The following FLNA variants were observed in gnomAD, a reference collection of about 807,000 sequenced individuals.
FLNA encodes filamin A, also known as filamin-A.
Under a neutral mutation model 157.6 loss-of-function variants are expected in FLNA, and 7 were observed. The observed-to-expected ratio is 0.04, with a 90% CI of 0.03 to 0.08. The LOEUF (loss-of-function observed/expected upper bound fraction) is 0.08. Ranked by LOEUF, FLNA falls within the 10% of genes least tolerant of loss-of-function variation. The pLI, the probability that FLNA is intolerant of heterozygous loss-of-function variation, is 1.00. For missense variants in FLNA, 1,750 were observed against 2,398.4 expected (o/e 0.73, Z 5.65); for synonymous variants, 1,103 against 1,060.8 (o/e 1.04, Z -0.77).
intron 19 of FLNA, 70 bp downstream of exon 19, chrX:154,361,909 C>T (rs979953507): frequency 2.8e-5 from 32 of 1,147,867 alleles, no homozygotes; most frequent in East Asian, 3.0e-5. Flanking sequence ...GAAAGTCCCT[C>T]GGAGCTGTCC....
In FLNA at chrX:154,354,808, C is replaced by T. The variant is rs1557176572; in HGVS notation, c.5217+17G>A. Reference sequence around the variant, plus strand: ...CTGCCAGACACCCCTGCTGACCTACCCCCCACCCCTCCTCACCGTCACTTG... The same window carrying T: ...CTGCCAGACACCCCTGCTGACCTACTCCCCACCCCTCCTCACCGTCACTTG... On this transcript the variant is annotated intron_variant, in intron 31 of 47. Transcript: ENST00000369850. The T allele has an allele frequency of 2.5e-6, 3 of 1,210,346 alleles. No individual in the cohort carries two copies. In the African/African-American group the frequency reaches 5.2e-5, roughly 21 times the overall value.
rs782723195 is a variant in FLNA at position 154,360,407 on chromosome X, C to T, written c.3388G>A (p.Glu1130Lys). 1.3e-5 allele frequency: 16 copies of T among 1,211,578 alleles called. No homozygotes were observed. In the East Asian group the frequency reaches 2.7e-4, roughly 20 times the overall value. The stretch of plus-strand genomic sequence containing the variant: ...ATGTTGATGTTGTAGTCCCCGGGCT[C>T]GGTGGGCACGTAGGACACGGAACAT... Reference protein sequence around the residue: ...GTCSVSYVPTEPGDYNINILF... With the variant: ...GTCSVSYVPTKPGDYNINILF... Residue 1130 changes from glutamate to lysine, a missense_variant, in exon 22 of 48, where the codon GAG (glutamate) becomes AAG (lysine). By Grantham distance (56) the Glu-to-Lys change is moderately conservative. Coordinates refer to ENST00000369850, the MANE Select transcript of FLNA (RefSeq NM_001110556.2).
At chrX:154,364,485 G>A in intron 13 of FLNA, 41 bp downstream of exon 13, 2 of 1,198,034 alleles carry the variant, frequency 1.7e-6, no homozygotes, top group South Asian at 1.8e-5. Context: ...CCAAGCAGGA[G>A]CAGCAGGGCG....
At chrX:154,372,822 G>A (rs2067818304) in intron 1 of FLNA, among the ~76,000 whole-genome samples, 1 of 110,714 alleles carries the variant, frequency 9.0e-6, no homozygotes, top group Non-Finnish European at 1.9e-5. Context: ...GAGAGATGGA[G>A]GCCCTGGGTT....
At chrX:154,370,846 C>T (rs781791747) in intron 2 of FLNA, 27 bp downstream of exon 2, 3 of 1,205,233 alleles carry the variant, frequency 2.5e-6, no homozygotes, top group Admixed American at 2.2e-5. Context: ...CGCCCCCGCC[C>T]GCCCGGCGCT....
At chrX:154,359,965 C>T (rs781860424) in intron 22 of FLNA, 25 bp downstream of exon 22, 2 of 1,206,556 alleles carry the variant, frequency 1.7e-6, no homozygotes, top group South Asian at 3.5e-5. Flanking sequence ...TCCCCCGTCA[C>T]ATACCCCACG....
intron 1 of FLNA, 32 bp from the exon 2 acceptor site, chrX:154,371,393 A>T: frequency 5.1e-5 from 28 of 552,104 alleles, no homozygotes; most frequent in East Asian, 1.8e-4. Context: ...TAAATGCGGG[A>T]GGAGGGCGGG....
Position 154,362,785 on chromosome X carries a change from C to A in FLNA, c.2281-1G>T. 1 of 1,197,670 alleles carries A rather than the reference C, an allele frequency of 8.3e-7. No homozygotes were observed. Among genetic ancestry groups the A allele is most frequent in the South Asian group, 1.8e-5 (1 of 55,334 alleles). On this transcript the variant is annotated splice_acceptor_variant, in intron 15 of 47. Transcript: ENST00000369850. LOFTEE classifies it high-confidence loss of function. Reference sequence around the variant, plus strand: ...GGTGGCTGCCAGCTCCCACATTCACCTGCAGGGCACAGGGGCAAGGGCAAG... The same window carrying A: ...GGTGGCTGCCAGCTCCCACATTCACATGCAGGGCACAGGGGCAAGGGCAAG...
At chrX:154,371,493 C>T in intron 1 of FLNA, 132 bp from the exon 2 acceptor site, 1 of 400,296 alleles carries the variant, frequency 2.5e-6, no homozygotes, top group Non-Finnish European at 4.3e-6. Flanking sequence ...TTGGAATGCC[C>T]CCACTAGGCC....
chrX:154,364,011 G>A lies in FLNA; in HGVS notation c.2280+11C>T. Reference sequence around the variant, plus strand: ...TCGAGATGGACTAAAGGCCGGTGGAGGTTGGCTCACCCTGAAGGGGCTGTT... The same window carrying A: ...TCGAGATGGACTAAAGGCCGGTGGAAGTTGGCTCACCCTGAAGGGGCTGTT... On this transcript the variant is annotated intron_variant, in intron 15 of 47. Coordinates refer to ENST00000369850, the MANE Select transcript of FLNA (RefSeq NM_001110556.2). 8.3e-7 allele frequency: 1 copy of A among 1,210,049 alleles called. No individual in the cohort carries two copies. The highest frequency in any genetic ancestry group is 2.2e-5 in the Admixed American group (1 of 46,124).
intron 7 of FLNA, 45 bp from the exon 8 acceptor site, chrX:154,366,515 C>T: frequency 8.3e-7 from 1 of 1,207,815 alleles, no homozygotes; most frequent in Non-Finnish European, 1.1e-6. Flanking sequence ...TGGGGGCCTC[C>T]AGCCACTGCC....
Position 154,348,762 on chromosome X carries a change from G to C in FLNA, c.*87C>G, listed in dbSNP as rs2067593526. ...CAGTGACAGGCGGGCGGCCAGGGCG[G>C]CCTGGGCCGGGGTTGAGGGGAAGAG... On this transcript the variant is annotated 3_prime_UTR_variant, in exon 48 of 48. Transcript: ENST00000369850. The C allele has an allele frequency of 1.1e-6, 1 of 869,871 alleles. No individual in the cohort carries two copies. The highest frequency in any genetic ancestry group is 2.3e-5 in the African/African-American group (1 of 43,133). 71.7% of individuals were successfully genotyped at this position (869,871 alleles called of 1,213,427 possible). A position where few individuals can be genotyped will look rare whatever the true frequency, so the allele number is the denominator to read the frequency against.
intron 21 of FLNA, among the ~76,000 whole-genome samples, chrX:154,360,841 G>A (rs1409518005): frequency 9.1e-6 from 1 of 109,788 alleles, no homozygotes; most frequent in African/African-American, 3.3e-5. Flanking sequence ...GAGGTCAGGA[G>A]TTTGAGAACA....
At position 154,367,630 on chromosome X, in the gene FLNA, G is replaced by A. The variant is rs2067772304; in HGVS notation, c.720+11C>T. On this transcript the variant is annotated intron_variant, in intron 4 of 47. Transcript: ENST00000369850. ...GTCCCCTACAGCTGTAGCCAGGCCG[G>A]GCGGGTGTACCTGGGGGATGCCCAG... The A allele has an allele frequency of 3.3e-6, 4 of 1,211,072 alleles. No individual in the cohort carries two copies. The highest frequency in any genetic ancestry group is 3.0e-5 in the East Asian group (1 of 33,852).
rs1391215809 is a variant in FLNA, at chrX:154,354,302, G to T, written c.5417-11C>A. 5.0e-6 allele frequency: 6 copies of T among 1,211,037 alleles called. No homozygotes were observed. Among genetic ancestry groups the T allele is most frequent in the Non-Finnish European group, 5.6e-6 (5 of 895,462 alleles). Reference sequence around the variant, plus strand: ...GCATCCGAACCTCCCCTGTGGGGCAGTGGGGCTGAGGTCAGGGCAGCTCAT... The same window carrying T: ...GCATCCGAACCTCCCCTGTGGGGCATTGGGGCTGAGGTCAGGGCAGCTCAT... On this transcript the variant is annotated splice_polypyrimidine_tract_variant and intron_variant, in intron 33 of 47. Transcript: ENST00000369850.
At position 154,371,337 on chromosome X, in the gene FLNA, G is replaced by A; in HGVS notation, c.-92C>T. ...GTCGCAGGCACCTAGGCGCGCGGGA[G>A]GCGAGGCAGGGAGCAGAGGTTGCGC... is the stretch of plus-strand genomic sequence containing the variant. On this transcript the variant is annotated 5_prime_UTR_variant, in exon 2 of 48. Coordinates refer to ENST00000369850, the MANE Select transcript of FLNA (RefSeq NM_001110556.2). 3.7e-6 allele frequency: 4 copies of A among 1,071,825 alleles called. No homozygotes were observed. Among genetic ancestry groups the A allele is most frequent in the Non-Finnish European group, 1.3e-6 (1 of 797,239 alleles). 88.3% of individuals were successfully genotyped at this position (1,071,825 alleles called of 1,213,427 possible).
intron 47 of FLNA, 79 bp from the exon 48 acceptor site, chrX:154,349,115 A>G: frequency 9.8e-7 from 1 of 1,022,681 alleles, no homozygotes; most frequent in Non-Finnish European, 1.3e-6. Context: ...TCCTGTCCCT[A>G]AGCCAGTTCT....
rs1371155880 is a variant in FLNA at position 154,352,557 on chromosome X, G to A, written c.6498C>T (p.Ile2166=). The A allele has an allele frequency of 1.7e-6, 2 of 1,211,731 alleles. No individual in the cohort carries two copies. The highest frequency in any genetic ancestry group is 2.2e-6 in the Non-Finnish European group (2 of 895,603). Residue 2166 remains isoleucine, a synonymous_variant, in exon 40 of 48, where the codon ATC becomes ATT. Transcript: ENST00000369850. ...CAGGCTTCCCACAGCCCCTACCAGG[G>A]ATTTTCAGGCTGAGGTCACAATGAC... ...VGSHCDLSLK[I]PEISIQDMTA... is the part of the protein sequence containing the mutation.
chrX:154,350,723 T>C (rs1006248913), intron 44 of FLNA, 186 bp downstream of exon 44: 115 of 491,124 alleles, frequency 2.3e-4, no homozygotes, highest in Non-Finnish European at 3.6e-4. Flanking sequence ...GCCTTCCTAA[T>C]AGCTGTGGGT....
Sources: allele counts gnomAD v4.1 joint callset (sites outside exome capture counted in the v4.1 genomes callset), GRCh38; gene constraint gnomAD v4.1.1; transcripts MANE v1.5; gene names NCBI Gene and HGNC (gene_info 2026-07-23, HGNC 2026-07-21).